HS6ST3: variants seen among roughly 807,000 people sequenced by gnomAD.
HS6ST3 encodes heparan-sulfate 6-O-sulfotransferase 3.
Under a neutral mutation model 36.7 loss-of-function variants are expected in HS6ST3, and 12 were observed. That is an observed-to-expected ratio of 0.33 (90% CI 0.21 to 0.53). The LOEUF is 0.53. Among genes scored for constraint, HS6ST3 ranks in the 20% least tolerant of loss-of-function variants. The pLI, the probability that HS6ST3 is intolerant of heterozygous loss-of-function variation, is 0.95. For synonymous variants in HS6ST3, 240 were observed against 257.5 expected, an observed-to-expected ratio of 0.93 and a Z score of 0.65; for missense variants, 584 against 640.9, an observed-to-expected ratio of 0.91 and a Z score of 0.96.
chr13:96,382,967 G>A (rs2055348702), intron 1 of HS6ST3, among the ~76,000 whole-genome samples: 1 of 152,176 alleles, frequency 6.6e-6, no homozygotes, highest in South Asian at 2.1e-4. Flanking sequence ...TTGTGTGTTT[G>A]TGTGTATGTA....
chr13:96,702,800 A>G lies in HS6ST3; in HGVS notation c.708-129690A>G, dbSNP rs530234092. Among the ~76,000 whole-genome samples, 3 of 152,342 alleles carry G rather than the reference A, an allele frequency of 2.0e-5. No homozygotes were observed. In the East Asian group the frequency reaches 5.8e-4, roughly 29 times the overall value. On this transcript the variant is annotated intron_variant, in intron 1 of 1. Coordinates refer to ENST00000376705, the MANE Select transcript of HS6ST3 (RefSeq NM_153456.4). ...AATAATCTTAGTATGTAAGTTCACA[A>G]GGCATATTAGCTGGACACGAGTAAA...
chr13:96,672,638 G>C (rs1161306179), intron 1 of HS6ST3, among the ~76,000 whole-genome samples: 2 of 152,100 alleles, frequency 1.3e-5, no homozygotes, highest in Non-Finnish European at 2.9e-5. Context: ...CCTTCATTTT[G>C]ATGGGGGCAC....
chr13:96,210,308 C>T (rs1204514259), intron 1 of HS6ST3, among the ~76,000 whole-genome samples: 3 of 152,188 alleles, frequency 2.0e-5, no homozygotes, highest in African/African-American at 7.2e-5. Flanking sequence ...CTGCACCCAA[C>T]CTGTGATAAC....
intron 1 of HS6ST3, among the ~76,000 whole-genome samples, chr13:96,773,831 G>A (rs914805261): frequency 6.6e-6 from 1 of 152,218 alleles, no homozygotes; most frequent in African/African-American, 2.4e-5. Context: ...GCTCTGCTAA[G>A]GGACAGACTG....
intron 1 of HS6ST3, among the ~76,000 whole-genome samples, chr13:96,139,541 G>GAA (rs57777280): frequency 0.24 from 15,782 of 66,368 alleles, 3,714 homozygotes; most frequent in East Asian, 0.32. Context: ...GTAAGATTCA[G>GAA]AAAAAAAAAA....
chr13:96,728,247 G>T (rs778588381), intron 1 of HS6ST3, among the ~76,000 whole-genome samples: 11 of 152,168 alleles, frequency 7.2e-5, no homozygotes, highest in Non-Finnish European at 1.3e-4. Flanking sequence ...AGTGGGATTA[G>T]TTCCAGTTGG....
chr13:96,161,727 T>C, intron 1 of HS6ST3, among the ~76,000 whole-genome samples: 1 of 152,102 alleles, frequency 6.6e-6, no homozygotes, highest in East Asian at 1.9e-4. Flanking sequence ...AACCAACAAA[T>C]TCATATCTGT....
At chr13:96,354,937 A>G (rs1236872232) in intron 1 of HS6ST3, among the ~76,000 whole-genome samples, 1 of 152,170 alleles carries the variant, frequency 6.6e-6, no homozygotes, top group African/African-American at 2.4e-5. Context: ...CCTAAATTAT[A>G]TTTCCCATAG....
chr13:96,521,768 G>A (rs2056094468), intron 1 of HS6ST3, among the ~76,000 whole-genome samples: 1 of 152,024 alleles, frequency 6.6e-6, no homozygotes, highest in Admixed American at 6.6e-5. Context: ...TTAGTTAGCA[G>A]TCTATCTATT....
At chr13:96,752,437 G>A (rs1876724148) in intron 1 of HS6ST3, among the ~76,000 whole-genome samples, 1 of 152,016 alleles carries the variant, frequency 6.6e-6, no homozygotes, top group East Asian at 1.9e-4. Flanking sequence ...AACACTTTCT[G>A]TTGCTCCATA....
At chr13:96,239,716 A>C (rs1419654282) in intron 1 of HS6ST3, among the ~76,000 whole-genome samples, 1 of 152,220 alleles carries the variant, frequency 6.6e-6, no homozygotes, top group African/African-American at 2.4e-5. Flanking sequence ...ACACAAATAC[A>C]GTATATGGAA....
At chr13:96,623,607 C>T (rs2056502523) in intron 1 of HS6ST3, among the ~76,000 whole-genome samples, 1 of 151,838 alleles carries the variant, frequency 6.6e-6, no homozygotes, top group African/African-American at 2.4e-5. Context: ...CCCCTCCTGC[C>T]CCACTTTCTT....
intron 1 of HS6ST3, among the ~76,000 whole-genome samples, chr13:96,445,578 A>G (rs1298867955): frequency 2.0e-5 from 3 of 152,106 alleles, no homozygotes; most frequent in Non-Finnish European, 1.5e-5. Flanking sequence ...TAAAATTACA[A>G]TGTTATGGCT....
rs1225612964 is a variant in HS6ST3, at chr13:96,832,498, A to G, written c.716A>G (p.Tyr239Cys). Residue 239 changes from tyrosine (Y) to cysteine (C), a missense_variant, in exon 2 of 2, where the codon TAT becomes TGT. Around this residue, in one of 3 missense-constraint regions of HS6ST3, gnomAD observed 360 missense variants for 411.3 expected, o/e 0.88. Coordinates refer to ENST00000376705, the MANE Select transcript of HS6ST3 (RefSeq NM_153456.4). ...CCTCTAATTTCTTCTAGGAATTTCTATTACATCACAATGTTACGGGATCCA... is the reference window on the plus strand; with the variant it reads ...CCTCTAATTTCTTCTAGGAATTTCTGTTACATCACAATGTTACGGGATCCA... Reference protein sequence around the residue: ...PRNHSHTRNFYYITMLRDPVS... With the variant: ...PRNHSHTRNFCYITMLRDPVS... 6 of 1,552,766 alleles carry G rather than the reference A, an allele frequency of 3.9e-6. No individual in the cohort carries two copies. The highest frequency in any genetic ancestry group is 2.3e-5 in the East Asian group (1 of 44,332).
intron 1 of HS6ST3, among the ~76,000 whole-genome samples, chr13:96,340,190 TCAA>T (rs2055123081): frequency 6.6e-6 from 1 of 152,178 alleles, no homozygotes; most frequent in Admixed American, 6.5e-5. Context: ...ACCTAAGAAA[TCAA>T]CAACATGTCA....
intron 1 of HS6ST3, among the ~76,000 whole-genome samples, chr13:96,509,301 G>C (rs1296745339): frequency 6.6e-6 from 1 of 152,014 alleles, no homozygotes; most frequent in Non-Finnish European, 1.5e-5. Context: ...CATTCTGTGT[G>C]TTGTCTGTTT....
chr13:96,173,668 G>GT (rs1315121981), intron 1 of HS6ST3, among the ~76,000 whole-genome samples: 23 of 39,564 alleles, frequency 5.8e-4, no homozygotes, highest in Middle Eastern at 0.027. Context: ...GTCACAGGTT[G>GT]TAAAAAAAAA....
chr13:96,499,089 G>T (rs1004349033), intron 1 of HS6ST3, among the ~76,000 whole-genome samples: 1 of 148,234 alleles, frequency 6.7e-6, no homozygotes, highest in African/African-American at 2.5e-5. Flanking sequence ...GTAGTGGCTC[G>T]ATCCCTGCTC....
At chr13:96,322,700 A>G (rs1236556708) in intron 1 of HS6ST3, among the ~76,000 whole-genome samples, 1 of 152,240 alleles carries the variant, frequency 6.6e-6, no homozygotes, top group African/African-American at 2.4e-5. Context: ...CTTTACAGCG[A>G]AACTCTAAAA....
Sources: allele counts gnomAD v4.1 joint callset (sites outside exome capture counted in the v4.1 genomes callset), GRCh38; gene constraint gnomAD v4.1.1; regional missense constraint gnomAD v4.1.1; transcripts MANE v1.5; gene names NCBI Gene and HGNC (gene_info 2026-07-23, HGNC 2026-07-21).